NYAP2: variants seen among roughly 807,000 people sequenced by gnomAD.
NYAP2 encodes neuronal tyrosine-phosphorylated phosphoinositide-3-kinase adapter 2.
Under a neutral mutation model 50.4 loss-of-function variants are expected in NYAP2, and 23 were observed. The observed-to-expected ratio is 0.46, with a 90% confidence interval of 0.33 to 0.65. NYAP2 has a LOEUF of 0.65. NYAP2 is among the 30% of genes least tolerant of loss of function. NYAP2 has a pLI of 0.02. For synonymous variants in NYAP2, 394 were observed against 365.2 expected (o/e 1.08, Z -0.90); for missense variants, 885 against 861.0 (o/e 1.03, Z -0.35).
chr2:225,617,934 C>T (rs553309812), intron 5 of NYAP2, among the ~76,000 whole-genome samples: 1 of 152,272 alleles, frequency 6.6e-6, no homozygotes, highest in Non-Finnish European at 1.5e-5. Flanking sequence ...ACTGAGGACT[C>T]TATTAGATAC....
intron 4 of NYAP2, among the ~76,000 whole-genome samples, chr2:225,531,430 A>G (rs1024059453): frequency 6.6e-6 from 1 of 152,172 alleles, no homozygotes; most frequent in Non-Finnish European, 1.5e-5. Context: ...CAATGCCATT[A>G]TATCTGCTAA....
At chr2:225,592,085 T>C (rs912150707) in intron 5 of NYAP2, among the ~76,000 whole-genome samples, 8 of 152,176 alleles carry the variant, frequency 5.3e-5, no homozygotes, top group African/African-American at 1.9e-4. Context: ...TTAGTGCCTC[T>C]AAGCATAACT....
chr2:225,551,188 C>T (rs1046776683), intron 4 of NYAP2, among the ~76,000 whole-genome samples: 1 of 152,224 alleles, frequency 6.6e-6, no homozygotes, highest in Non-Finnish European at 1.5e-5. Flanking sequence ...GTGAATTTCA[C>T]CTTCTGGTAT....
intron 4 of NYAP2, among the ~76,000 whole-genome samples, chr2:225,555,919 C>T (rs931139901): frequency 2.6e-5 from 4 of 152,140 alleles, no homozygotes; most frequent in African/African-American, 9.7e-5. Flanking sequence ...TCCCCTGCAC[C>T]CCTACAGATC....
downstream of NYAP2, among the ~76,000 whole-genome samples, chr2:225,655,134 A>G (rs1048144495): frequency 6.6e-6 from 1 of 152,210 alleles, no homozygotes; most frequent in Admixed American, 6.5e-5. Context: ...AGCTTCAGGT[A>G]ACTACAGCAG....
At chr2:225,620,774 C>T (rs932154623) in intron 5 of NYAP2, among the ~76,000 whole-genome samples, 1 of 152,114 alleles carries the variant, frequency 6.6e-6, no homozygotes, top group African/African-American at 2.4e-5. Context: ...AAGCTGTAGG[C>T]TTTTATTTAA....
At chr2:225,550,621 T>C (rs1691656408) in intron 4 of NYAP2, among the ~76,000 whole-genome samples, 1 of 152,142 alleles carries the variant, frequency 6.6e-6, no homozygotes, top group Non-Finnish European at 1.5e-5. Context: ...GGGATCAGGG[T>C]AATGTATATA....
chr2:225,666,726 C>T, the NYAP2 span, among the ~76,000 whole-genome samples: 1 of 152,014 alleles, frequency 6.6e-6, no homozygotes, highest in Admixed American at 6.6e-5. Context: ...ACAAATGTTT[C>T]TTATTTGGAC....
intron 4 of NYAP2, among the ~76,000 whole-genome samples, chr2:225,516,709 C>T (rs1301981518): frequency 3.3e-5 from 5 of 152,152 alleles, no homozygotes; most frequent in Admixed American, 1.3e-4. Flanking sequence ...TATGTGTACT[C>T]AGAGCCAAAA....
At chr2:225,670,891 C>A in the NYAP2 span, among the ~76,000 whole-genome samples, 3 of 152,078 alleles carry the variant, frequency 2.0e-5, no homozygotes, top group Non-Finnish European at 4.4e-5. Context: ...ATAATCCAGT[C>A]TATTAAGTGT....
chr2:225,437,717 G>A (rs563104992), intron 3 of NYAP2, among the ~76,000 whole-genome samples: 1 of 152,174 alleles, frequency 6.6e-6, no homozygotes, highest in African/African-American at 2.4e-5. Context: ...GTAAACATCT[G>A]ATTTAATCAT....
In NYAP2 at chr2:225,627,127, G is replaced by T; in HGVS notation, c.1828+1G>T. ...TTGTTAGCGGGAAACCACAGTTCAG[G>T]TAAGGCAGATTATGATCTTCCAGAA... On this transcript the variant is annotated splice_donor_variant, in intron 6 of 6. Transcript: ENST00000636099. LOFTEE classifies it high-confidence loss of function. 1 of 1,577,544 alleles carries T rather than the reference G, an allele frequency of 6.3e-7. No homozygotes were observed. Among genetic ancestry groups the T allele is most frequent in the Non-Finnish European group, 8.6e-7 (1 of 1,160,964 alleles).
chr2:225,439,548 T>C (rs1689436977), intron 3 of NYAP2, among the ~76,000 whole-genome samples: 1 of 152,120 alleles, frequency 6.6e-6, no homozygotes, highest in Non-Finnish European at 1.5e-5. Flanking sequence ...TTTTGGAAAT[T>C]AGGACACCAA....
chr2:225,584,398 A>G (rs963369746), intron 5 of NYAP2, among the ~76,000 whole-genome samples: 1 of 152,254 alleles, frequency 6.6e-6, no homozygotes, highest in African/African-American at 2.4e-5. Flanking sequence ...TGAGTATTAA[A>G]TCAATTCACA....
intron 5 of NYAP2, among the ~76,000 whole-genome samples, chr2:225,597,512 A>T (rs867298592): frequency 2.2e-5 from 1 of 46,258 alleles, no homozygotes; most frequent in Non-Finnish European, 4.8e-5. Context: ...TCCAAGGAGA[A>T]ATATATATAT....
intron 5 of NYAP2, among the ~76,000 whole-genome samples, chr2:225,589,846 G>A (rs1692465052): frequency 2.0e-5 from 3 of 152,120 alleles, no homozygotes; most frequent in Admixed American, 6.5e-5. Flanking sequence ...GGAGGAGGGA[G>A]TCTATAGTCT....
chr2:225,622,888 A>G (rs1279906230), intron 5 of NYAP2, among the ~76,000 whole-genome samples: 2 of 152,260 alleles, frequency 1.3e-5, no homozygotes, highest in South Asian at 2.1e-4. Flanking sequence ...CCCAGCCACA[A>G]CCAGTTTTAT....
chr2:225,464,970 G>T (rs954336282), intron 3 of NYAP2, among the ~76,000 whole-genome samples: 1 of 152,188 alleles, frequency 6.6e-6, no homozygotes. Context: ...GAGCTAGTTA[G>T]AGACTTTTAT....
At chr2:225,470,133 T>C (rs1689989484) in intron 3 of NYAP2, among the ~76,000 whole-genome samples, 1 of 152,200 alleles carries the variant, frequency 6.6e-6, no homozygotes, top group Non-Finnish European at 1.5e-5. Flanking sequence ...GTAATTGCAT[T>C]GTGCATTTTC....
Sources: gnomAD v4.1 joint callset for allele counts (sites outside exome capture counted in the v4.1 genomes callset) on GRCh38, gnomAD v4.1.1 for gene constraint, MANE v1.5 for transcripts, NCBI Gene and HGNC (gene_info 2026-07-23, HGNC 2026-07-21) for gene names.